The following NAV3 variants were observed in gnomAD, a reference collection of about 807,000 sequenced individuals.
The protein encoded by NAV3 is neuron navigator 3, also known as pore membrane and/or filament interacting like protein 1.
Under a neutral mutation model 244.7 loss-of-function variants are expected in NAV3, and 87 were observed. The ratio of observed to expected loss-of-function variants is 0.36; its 90% confidence interval spans 0.30 to 0.42. NAV3 has a LOEUF of 0.42. Ranked by LOEUF, NAV3 falls within the 20% of genes least tolerant of loss-of-function variation. The pLI is 1.00. For missense variants in NAV3, 2,663 were observed against 2,893.3 expected (o/e 0.92, Z 1.83); for synonymous variants, 1,126 against 1,042.2 (o/e 1.08, Z -1.55).
intron 1 of NAV3, among the ~76,000 whole-genome samples, chr12:77,922,107 G>A (rs1452942750): frequency 2.6e-5 from 4 of 152,106 alleles, no homozygotes; most frequent in Non-Finnish European, 5.9e-5. Context: ...CATATGCGTA[G>A]CAGAAGCTAC....
intron 2 of NAV3, among the ~76,000 whole-genome samples, chr12:77,594,688 T>C (rs1301468559): frequency 2.0e-5 from 3 of 152,224 alleles, no homozygotes; most frequent in South Asian, 4.2e-4. Context: ...GACCGTTTTT[T>C]CCCCCCAGGA....
intron 2 of NAV3, among the ~76,000 whole-genome samples, chr12:77,781,612 A>G (rs1406493006): frequency 2.0e-5 from 3 of 152,232 alleles, no homozygotes; most frequent in Admixed American, 2.0e-4. Context: ...TAAAACCAAG[A>G]TGTACCCGAC....
intron 12 of NAV3, among the ~76,000 whole-genome samples, chr12:78,061,035 G>A (rs1884254087): frequency 6.6e-6 from 1 of 152,166 alleles, no homozygotes; most frequent in Admixed American, 6.6e-5. Flanking sequence ...ATTGGGACCT[G>A]TGAAAACAGT....
At chr12:77,685,998 A>T (rs1382126663) in intron 2 of NAV3, among the ~76,000 whole-genome samples, 2 of 152,154 alleles carry the variant, frequency 1.3e-5, no homozygotes, top group African/African-American at 4.8e-5. Context: ...AGTTTTTGAA[A>T]GCTGATGTTT....
intron 5 of NAV3, among the ~76,000 whole-genome samples, chr12:77,988,227 T>C (rs535809884): frequency 7.0e-4 from 106 of 152,312 alleles, no homozygotes; most frequent in Non-Finnish European, 1.3e-3. Context: ...GGTTCTATAT[T>C]TCTAACAAGC....
chr12:78,195,368 T>C (rs1229835656), intron 34 of NAV3, among the ~76,000 whole-genome samples: 1 of 151,824 alleles, frequency 6.6e-6, no homozygotes, highest in Non-Finnish European at 1.5e-5. Context: ...TTATTATTAT[T>C]ATTATTTGCT....
chr12:78,000,407 T>G (rs1873047201), intron 7 of NAV3, among the ~76,000 whole-genome samples: 1 of 152,174 alleles, frequency 6.6e-6, no homozygotes, highest in Admixed American at 6.5e-5. Flanking sequence ...AATAACAATG[T>G]TCATAAATTA....
chr12:77,696,296 G>A (rs938277897), intron 2 of NAV3, among the ~76,000 whole-genome samples: 8 of 152,128 alleles, frequency 5.3e-5, no homozygotes, highest in Admixed American at 3.3e-4. Context: ...TGTGACTTCC[G>A]TCTTGCTAGT....
intron 2 of NAV3, among the ~76,000 whole-genome samples, chr12:77,590,698 A>G (rs1446846312): frequency 1.3e-5 from 2 of 152,228 alleles, no homozygotes; most frequent in African/African-American, 4.8e-5. Flanking sequence ...ATTCACACAA[A>G]TATGCTCATT....
chr12:77,688,721 G>A (rs1380250278), intron 2 of NAV3, among the ~76,000 whole-genome samples: 2 of 151,886 alleles, frequency 1.3e-5, no homozygotes, highest in Middle Eastern at 3.2e-3. Flanking sequence ...TAGTGTAAAT[G>A]AGAGTTAGAT....
chr12:77,880,574 A>G (rs1403350872), intron 1 of NAV3, among the ~76,000 whole-genome samples: 1 of 152,098 alleles, frequency 6.6e-6, no homozygotes, highest in Non-Finnish European at 1.5e-5. Context: ...GCCAATTATG[A>G]CCAGAGATAT....
Position 77,922,774 on chromosome 12 carries a change from T to C in NAV3, c.244-17545T>C, listed in dbSNP as rs148346961. Among the ~76,000 whole-genome samples the C allele has an allele frequency of 5.3e-4, 81 of 152,314 alleles. 1 individual carries two copies. The East Asian group carries it at 0.013, about 25-fold the overall frequency. On this transcript the variant is annotated intron_variant, in intron 1 of 39. Coordinates refer to ENST00000397909, the MANE Select transcript of NAV3 (RefSeq NM_001024383.2). ...TTTCTAGAAGACCAAAAAATACTCT[T>C]AAACTGTTCTCATTAACTTCCTTAG...
At chr12:78,170,406 A>T (rs551563753) in intron 24 of NAV3, among the ~76,000 whole-genome samples, 9 of 151,698 alleles carry the variant, frequency 5.9e-5, no homozygotes, top group Middle Eastern at 3.4e-3. Context: ...TACTCTTGCC[A>T]TCCATCACCT....
intron 1 of NAV3, among the ~76,000 whole-genome samples, chr12:77,922,192 A>G (rs1887774428): frequency 6.6e-6 from 1 of 152,160 alleles, no homozygotes; most frequent in Non-Finnish European, 1.5e-5. Flanking sequence ...GAAGATGCCA[A>G]AATAGCTACC....
chr12:78,127,253 T>C, intron 17 of NAV3, 45 bp downstream of exon 17: 1 of 1,574,070 alleles, frequency 6.4e-7, no homozygotes, highest in Non-Finnish European at 8.7e-7. Flanking sequence ...TGTTGTTATG[T>C]AAACTTTGTG....
chr12:77,704,215 T>G (rs535517371), intron 2 of NAV3, among the ~76,000 whole-genome samples: 1 of 152,304 alleles, frequency 6.6e-6, no homozygotes, highest in Non-Finnish European at 1.5e-5. Flanking sequence ...TAATAATAGT[T>G]AAAGTTATTA....
chr12:78,159,403 C>A (rs393293), intron 23 of NAV3, 117 bp downstream of exon 23: 56,594 of 902,148 alleles, frequency 0.063, 2,014 homozygotes, highest in Admixed American at 0.078. Flanking sequence ...GAGGCTCATG[C>A]CTGTAATCTC....
chr12:77,921,165 T>A (rs1887675331), intron 1 of NAV3, among the ~76,000 whole-genome samples: 1 of 151,968 alleles, frequency 6.6e-6, no homozygotes, highest in South Asian at 2.1e-4. Context: ...GAGGAAAAAA[T>A]GAGAAACGTC....
chr12:78,133,248 C>A (rs1271284711), intron 18 of NAV3, among the ~76,000 whole-genome samples: 4 of 151,946 alleles, frequency 2.6e-5, no homozygotes, highest in African/African-American at 9.7e-5. Context: ...TGTATGGTTT[C>A]AGAGTGGAAA....
Sources: gnomAD v4.1 joint callset for allele counts (sites outside exome capture counted in the v4.1 genomes callset) on GRCh38, gnomAD v4.1.1 for gene constraint, MANE v1.5 for transcripts, NCBI Gene and HGNC (gene_info 2026-07-23, HGNC 2026-07-21) for gene names.